BAG3: variants seen among roughly 807,000 people sequenced by gnomAD.
BAG3 encodes the protein BAG cochaperone 3.
Under a neutral mutation model 40.5 loss-of-function variants are expected in BAG3, and 14 were observed. The observed-to-expected ratio is 0.35, with a 90% confidence interval of 0.23 to 0.54. BAG3 has a LOEUF of 0.54. Among genes scored for constraint, BAG3 ranks in the 20% least tolerant of loss-of-function variants. The pLI is 0.91. For missense variants in BAG3, 788 were observed against 758.6 expected (o/e 1.04, Z -0.46); for synonymous variants, 302 against 307.8 (o/e 0.98, Z 0.20).
intron 1 of BAG3, among the ~76,000 whole-genome samples, chr10:119,656,437 G>A (rs196338): frequency 0.06 from 8,762 of 145,004 alleles, 358 homozygotes; most frequent in Non-Finnish European, 0.095. Flanking sequence ...CTGGGGTGCC[G>A]TAGTGCGATC....
rs1683116723 is a variant in BAG3 at position 119,676,883 on chromosome 10, A to G, written c.1329A>G (p.Glu443=). ...QGLEQAVDNF[E]GKKTDKKYLM... ...TGGAGCAGGCTGTAGACAACTTTGA[A>G]GGCAAGAAGACTGACAAAAAGTACC... The change falls in exon 4 of 4, where the codon GAA becomes GAG. Residue 443 remains glutamate, a synonymous_variant. Coordinates refer to ENST00000369085, the MANE Select transcript of BAG3 (RefSeq NM_004281.4). The G allele has an allele frequency of 1.2e-6, 2 of 1,614,076 alleles. No homozygotes were observed. Among genetic ancestry groups the G allele is most frequent in the Non-Finnish European group, 1.7e-6 (2 of 1,180,042 alleles).
chr10:119,677,241 A>G lies in BAG3; in HGVS notation c.1687A>G (p.Ser563Gly), dbSNP rs1240662655. 1 of 1,614,152 alleles carries G rather than the reference A, an allele frequency of 6.2e-7. No individual in the cohort carries two copies. The highest frequency in any genetic ancestry group is 1.7e-5 in the Admixed American group (1 of 60,024). ...CACAGCAGCAGCGACTTCAAACCCC[A>G]GCAGCATGACAGACACCCCTGGTAA... ...EATAAATSNP[S>G]SMTDTPGNPA... Residue 563 changes from serine (S) to glycine (G), a missense_variant, in exon 4 of 4, where the codon AGC (serine) becomes GGC (glycine). Ser to Gly is a moderately conservative substitution (Grantham distance 56, BLOSUM62 0). Coordinates refer to ENST00000369085, the MANE Select transcript of BAG3 (RefSeq NM_004281.4).
intron 1 of BAG3, among the ~76,000 whole-genome samples, chr10:119,665,138 A>ATTTTTTT (rs1442380822): frequency 8.5e-5 from 7 of 82,414 alleles, no homozygotes; most frequent in African/African-American, 1.5e-4. Flanking sequence ...ATATATATAT[A>ATTTTTTT]TATATATTTT....
At chr10:119,656,900 G>A (rs373145033) in intron 1 of BAG3, among the ~76,000 whole-genome samples, 3 of 152,290 alleles carry the variant, frequency 2.0e-5, no homozygotes, top group African/African-American at 7.2e-5. Flanking sequence ...ACATGGGACA[G>A]CAGATTTGGA....
At chr10:119,665,099 T>TGC (rs1847042927) in intron 1 of BAG3, among the ~76,000 whole-genome samples, 1 of 72,742 alleles carries the variant, frequency 1.4e-5, no homozygotes, top group African/African-American at 5.0e-5. Flanking sequence ...TGTTTGTGTG[T>TGC]GTGTGTGTGT....
At chr10:119,657,525 G>C (rs975265822) in intron 1 of BAG3, 25 of 471,042 alleles carry the variant, frequency 5.3e-5, no homozygotes, top group Non-Finnish European at 1.1e-4. Flanking sequence ...GGCCTGCCCA[G>C]AGCGCGAAGG....
chr10:119,665,128 A>ATG (rs1847044546), intron 1 of BAG3, among the ~76,000 whole-genome samples: 1 of 65,766 alleles, frequency 1.5e-5, no homozygotes, highest in African/African-American at 5.7e-5. Context: ...GTGTGTGTGT[A>ATG]TATATATATA....
intron 1 of BAG3, 35 bp downstream of exon 1, chr10:119,651,890 C>G (rs1846846812): frequency 1.4e-6 from 2 of 1,480,150 alleles, no homozygotes; most frequent in South Asian, 1.3e-5. Flanking sequence ...TGGTCGGTGG[C>G]GCCACCTCGA....
intron 1 of BAG3, among the ~76,000 whole-genome samples, chr10:119,662,061 G>A (rs1846999055): frequency 6.6e-6 from 1 of 151,882 alleles, no homozygotes; most frequent in African/African-American, 2.4e-5. Context: ...TTTGGTTGTT[G>A]TTTTAATTCA....
chr10:119,673,533 TAGC>T (rs1847180509), intron 3 of BAG3, among the ~76,000 whole-genome samples: 2 of 152,154 alleles, frequency 1.3e-5, no homozygotes, highest in African/African-American at 4.8e-5. Context: ...GCTCACAGCT[TAGC>T]AGCAGGACAG....
chr10:119,669,853 G>A lies in BAG3; in HGVS notation c.183G>A (p.Glu61=). The A allele has an allele frequency of 6.2e-7, 1 of 1,614,100 alleles. No homozygotes were observed. Among genetic ancestry groups the A allele is most frequent in the East Asian group, 2.2e-5 (1 of 44,878 alleles). The change falls in exon 2 of 4, where the codon GAG becomes GAA. Residue 61 remains glutamate, a splice_region_variant and synonymous_variant. Transcript: ENST00000369085. ...TGTTTCTCCACTTTTTATTTCAGGA[G>A]ACTCCATCCTCTGCCAATGGCCCTT... The part of the protein sequence containing the change: ...DPRVPSEGPK[E]TPSSANGPSR...
rs1442973559 is a variant in BAG3 at position 119,670,231 on chromosome 10, C to A, written c.507+54C>A. ...CTGGGGAGCAAGCCGCTGTGCTTCCCAGGCCGGGCCCATCCCCTCAGGACA... is the reference window on the plus strand; with the variant it reads ...CTGGGGAGCAAGCCGCTGTGCTTCCAAGGCCGGGCCCATCCCCTCAGGACA... On this transcript the variant is annotated intron_variant, in intron 2 of 3. Transcript: ENST00000369085. 4 of 1,552,328 alleles carry A rather than the reference C, an allele frequency of 2.6e-6. No individual in the cohort carries two copies. The Admixed American group carries it at 7.6e-5, about 29-fold the overall frequency.
At chr10:119,670,868 T>G (rs1847139909) in intron 2 of BAG3, among the ~76,000 whole-genome samples, 1 of 152,172 alleles carries the variant, frequency 6.6e-6, no homozygotes. Flanking sequence ...AAGCAGTAAG[T>G]CCTCTCATTT....
intron 1 of BAG3, among the ~76,000 whole-genome samples, chr10:119,653,072 G>A (rs551586293): frequency 3.7e-4 from 56 of 152,348 alleles, no homozygotes; most frequent in African/African-American, 1.3e-3. Flanking sequence ...CATTGTTTTA[G>A]AAGAAAGACC....
At chr10:119,665,131 TATA>T (rs1847044737) in intron 1 of BAG3, among the ~76,000 whole-genome samples, 2 of 62,340 alleles carry the variant, frequency 3.2e-5, no homozygotes, top group Admixed American at 1.5e-4. Context: ...TGTGTGTATA[TATA>T]TATATATATA....
chr10:119,663,711 C>G (rs749372380), intron 1 of BAG3, among the ~76,000 whole-genome samples: 12 of 151,876 alleles, frequency 7.9e-5, no homozygotes, highest in Non-Finnish European at 1.6e-4. Flanking sequence ...TTTTAGATTT[C>G]TGTGACATTA....
chr10:119,676,343 T>C (rs1332116879), intron 3 of BAG3, 121 bp from the exon 4 acceptor site: 4 of 1,000,794 alleles, frequency 4.0e-6, no homozygotes, highest in African/African-American at 3.3e-5. Context: ...AAATCTTTTA[T>C]ACTATTAAAC....
At chr10:119,660,351 G>C (rs1846976050) in intron 1 of BAG3, among the ~76,000 whole-genome samples, 1 of 152,212 alleles carries the variant, frequency 6.6e-6, no homozygotes, top group Non-Finnish European at 1.5e-5. Context: ...CAGCGGCCCA[G>C]CCTGTTGGAG....
intron 1 of BAG3, among the ~76,000 whole-genome samples, chr10:119,658,216 A>G (rs1198266824): frequency 6.6e-6 from 1 of 152,274 alleles, no homozygotes; most frequent in African/African-American, 2.4e-5. Context: ...TTAAAAATTC[A>G]TACAGTGGGA....
Sources: allele counts gnomAD v4.1 joint callset (sites outside exome capture counted in the v4.1 genomes callset), GRCh38; gene constraint gnomAD v4.1.1; transcripts MANE v1.5; gene names NCBI Gene and HGNC (gene_info 2026-07-23, HGNC 2026-07-21).